The following DDR2 variants were observed in gnomAD, a reference collection of about 807,000 sequenced individuals.
The protein encoded by DDR2 is discoidin domain-containing receptor 2.
A neutral mutation model predicts 94.9 loss-of-function variants in DDR2; 27 were observed. The ratio of observed to expected loss-of-function variants is 0.28; its 90% confidence interval spans 0.21 to 0.39. The LOEUF is 0.39. DDR2 is among the 10% of genes least tolerant of loss of function. DDR2 has a pLI of 1.00. For missense variants in DDR2, 783 were observed against 1,076.0 expected, an observed-to-expected ratio of 0.73 and a Z score of 3.81; for synonymous variants, 382 against 377.2, an observed-to-expected ratio of 1.01 and a Z score of -0.15.
chr1:162,637,510 G>A (rs1056656400), intron 1 of DDR2, among the ~76,000 whole-genome samples: 1 of 151,778 alleles, frequency 6.6e-6, no homozygotes, highest in Non-Finnish European at 1.5e-5. Flanking sequence ...TTACAACCTT[G>A]TATTAGTATT....
intron 2 of DDR2, among the ~76,000 whole-genome samples, chr1:162,715,336 CATT>C (rs754028839): frequency 6.6e-6 from 1 of 152,134 alleles, no homozygotes; most frequent in African/African-American, 2.4e-5. Flanking sequence ...TATATAGAAA[CATT>C]ATGTTTTTAG....
At chr1:162,750,663 A>G (rs1301436143) in intron 3 of DDR2, among the ~76,000 whole-genome samples, 1 of 152,204 alleles carries the variant, frequency 6.6e-6, no homozygotes, top group East Asian at 1.9e-4. Context: ...TTCATATGGA[A>G]CCAAAAAAGA....
At chr1:162,704,303 T>A (rs1045981199) in intron 2 of DDR2, among the ~76,000 whole-genome samples, 1 of 151,978 alleles carries the variant, frequency 6.6e-6, no homozygotes, top group South Asian at 2.1e-4. Flanking sequence ...AGCAATGGAG[T>A]CTAACAGCCT....
intron 1 of DDR2, among the ~76,000 whole-genome samples, chr1:162,634,285 A>G (rs1656708211): frequency 6.6e-6 from 1 of 152,208 alleles, no homozygotes; most frequent in Non-Finnish European, 1.5e-5. Context: ...ATTCAGGATA[A>G]GTTCTGGCTC....
chr1:162,692,630 G>T (rs772512988), intron 2 of DDR2, among the ~76,000 whole-genome samples: 1 of 152,198 alleles, frequency 6.6e-6, no homozygotes, highest in Non-Finnish European at 1.5e-5. Context: ...AAACCAAATA[G>T]ACTTGTATTA....
At chr1:162,726,816 CATGGAAACTGGGCGCACTGGGG>C (rs1558048783) in intron 3 of DDR2, among the ~76,000 whole-genome samples, 2 of 151,994 alleles carry the variant, frequency 1.3e-5, no homozygotes, top group Non-Finnish European at 2.9e-5. Context: ...CCCTGCTTAC[CATGGAAACTGGGCGCACTGGGG>C]CCATTAGGTC....
intron 7 of DDR2, 77 bp downstream of exon 7, chr1:162,755,846 A>C (rs2102138953): frequency 1.6e-6 from 2 of 1,248,774 alleles, no homozygotes; most frequent in East Asian, 4.6e-5. Context: ...TCTTGGGATC[A>C]ATAATCAATC....
chr1:162,689,813 G>A (rs1356874851), intron 2 of DDR2, among the ~76,000 whole-genome samples: 10 of 103,658 alleles, frequency 9.6e-5, no homozygotes, highest in Non-Finnish European at 1.8e-5. Context: ...AGACCAGCCT[G>A]GCCAACATGG....
chr1:162,644,476 G>T (rs367611124), intron 1 of DDR2, among the ~76,000 whole-genome samples: 1 of 152,210 alleles, frequency 6.6e-6, no homozygotes, highest in Non-Finnish European at 1.5e-5. Flanking sequence ...TTCAGCAATA[G>T]GCATTAGGAA....
upstream of DDR2, among the ~76,000 whole-genome samples, chr1:162,630,998 CT>C (rs1656530247): frequency 6.6e-6 from 1 of 152,156 alleles, no homozygotes; most frequent in South Asian, 2.1e-4. Flanking sequence ...TGCTTGCTGC[CT>C]TTAATCATTT....
At chr1:162,767,131 AG>A in intron 10 of DDR2, 97 bp from the exon 11 acceptor site, 1 of 1,558,348 alleles carries the variant, frequency 6.4e-7, no homozygotes, top group Non-Finnish European at 8.8e-7. Flanking sequence ...ATTATCCTCA[AG>A]GAACAGGGTC....
At chr1:162,684,393 G>A (rs1659556810) in intron 2 of DDR2, among the ~76,000 whole-genome samples, 1 of 152,108 alleles carries the variant, frequency 6.6e-6, no homozygotes, top group South Asian at 2.1e-4. Flanking sequence ...TCAACACCAT[G>A]AGGCCCTGAC....
At chr1:162,769,963 T>C (rs1259497763) in intron 11 of DDR2, among the ~76,000 whole-genome samples, 1 of 152,216 alleles carries the variant, frequency 6.6e-6, no homozygotes, top group Non-Finnish European at 1.5e-5. Context: ...AAACCCATCA[T>C]TTAATAAAAC....
Position 162,770,235 on chromosome 1 carries a change from TAAG to T in DDR2, c.1294-62_1294-60del, listed in dbSNP as rs1040984045. 8 of 1,480,712 alleles carry T rather than the reference TAAG, an allele frequency of 5.4e-6. No homozygotes were observed. In the African/African-American group the frequency reaches 1.1e-4, roughly 20 times the overall value. 91.7% of individuals were successfully genotyped at this position (1,480,712 alleles called of 1,614,324 possible). A position where few individuals can be genotyped will look rare whatever the true frequency, so the allele number is the denominator to read the frequency against. On this transcript the variant is annotated intron_variant, in intron 11 of 17. Transcript: ENST00000367921. ...TTCATTTGAGTGGGAGAGCTGAGTT[TAAG>T]AAGAGGAGGCATTGACCATCTCTTT...
chr1:162,678,543 C>G (rs778385116), intron 2 of DDR2, among the ~76,000 whole-genome samples: 11 of 152,194 alleles, frequency 7.2e-5, no homozygotes, highest in Non-Finnish European at 1.5e-4. Flanking sequence ...CCAAAGTCCT[C>G]TTTTGTAAAT....
At chr1:162,691,508 G>GA (rs1477087557) in intron 2 of DDR2, among the ~76,000 whole-genome samples, 2 of 152,158 alleles carry the variant, frequency 1.3e-5, no homozygotes, top group African/African-American at 4.8e-5. Flanking sequence ...TGATAGGTGT[G>GA]AAAAAATGCA....
At chr1:162,642,218 A>G (rs1368730118) in intron 1 of DDR2, among the ~76,000 whole-genome samples, 1 of 152,070 alleles carries the variant, frequency 6.6e-6, no homozygotes, top group Non-Finnish European at 1.5e-5. Context: ...TGGCTTCCCA[A>G]AGTGTTGGGA....
In DDR2 at chr1:162,650,388, G is replaced by T. The variant is rs143356317; in HGVS notation, c.-191-4823G>T. 7.0e-3 allele frequency among the ~76,000 whole-genome samples: 1,059 copies of T among 152,230 alleles called. 17 individuals are homozygous for T. Among genetic ancestry groups the T allele is most frequent in the African/African-American group, 0.024 (1,004 of 41,534 alleles). On this transcript the variant is annotated intron_variant, in intron 1 of 17. Coordinates refer to ENST00000367921, the MANE Select transcript of DDR2 (RefSeq NM_006182.4). ...AGGAAGGCAGATCACTTGAGGTCAG[G>T]AGTTCGAGAACAGCCTGGCCAACAT...
At chr1:162,707,166 G>A (rs762087099) in intron 2 of DDR2, among the ~76,000 whole-genome samples, 1 of 152,074 alleles carries the variant, frequency 6.6e-6, no homozygotes, top group Non-Finnish European at 1.5e-5. Context: ...TATGTCCCTG[G>A]GCCAATCTGC....
Sources: gnomAD v4.1 joint callset for allele counts (sites outside exome capture counted in the v4.1 genomes callset) on GRCh38, gnomAD v4.1.1 for gene constraint, MANE v1.5 for transcripts, NCBI Gene and HGNC (gene_info 2026-07-23, HGNC 2026-07-21) for gene names.